CNTNAP2: variants seen among roughly 807,000 people sequenced by gnomAD.
The protein encoded by CNTNAP2 is contactin associated protein 2.
CNTNAP2 carries 98 observed loss-of-function variants against 155.2 expected under a neutral mutation model. That is an observed-to-expected ratio of 0.63 (90% CI 0.54 to 0.75). The LOEUF is 0.75. CNTNAP2 is among the 30% of genes least tolerant of loss of function. The pLI is 0.00. For synonymous variants in CNTNAP2, 651 were observed against 631.2 expected (o/e 1.03, Z -0.47); for missense variants, 1,727 against 1,688.1 (o/e 1.02, Z -0.40).
At chr7:148,394,523 T>C (rs1799423379) in intron 22 of CNTNAP2, among the ~76,000 whole-genome samples, 1 of 152,224 alleles carries the variant, frequency 6.6e-6, no homozygotes, top group Non-Finnish European at 1.5e-5. Context: ...GATTTGAGAA[T>C]TTTAATCATT....
chr7:148,326,111 C>T (rs1797881749), intron 21 of CNTNAP2, among the ~76,000 whole-genome samples: 1 of 151,168 alleles, frequency 6.6e-6, no homozygotes. Context: ...CCAAGAGAGC[C>T]TGTTTCAATG....
intron 13 of CNTNAP2, among the ~76,000 whole-genome samples, chr7:147,648,843 C>T (rs1795407795): frequency 6.6e-6 from 1 of 152,106 alleles, no homozygotes; most frequent in Admixed American, 6.5e-5. Flanking sequence ...AACTGAGTTT[C>T]AAATGTATAT....
chr7:147,665,261 T>G (rs1179295953), intron 13 of CNTNAP2, among the ~76,000 whole-genome samples: 1 of 152,238 alleles, frequency 6.6e-6, no homozygotes, highest in Non-Finnish European at 1.5e-5. Context: ...CTGTTTTGCT[T>G]AATATTAAAT....
At chr7:148,249,389 C>G (rs1478449845) in intron 20 of CNTNAP2, among the ~76,000 whole-genome samples, 1 of 152,184 alleles carries the variant, frequency 6.6e-6, no homozygotes, top group African/African-American at 2.4e-5. Flanking sequence ...CACTGTTTCT[C>G]TCCTTCCTGA....
chr7:147,515,094 C>G (rs1799095512), intron 11 of CNTNAP2, among the ~76,000 whole-genome samples: 1 of 152,080 alleles, frequency 6.6e-6, no homozygotes, highest in East Asian at 1.9e-4. Context: ...GGATGTGTTG[C>G]TGTCCCATGA....
chr7:146,773,528 T>TGGGATCACA lies in CNTNAP2; in HGVS notation c.98-740_98-732dup, dbSNP rs1802334104. ...CTCCTGCCTCAGCCTCCCGAATACC[T>TGGGATCACA]GGGATCACAGGCATGCACCACCATG... On this transcript the variant is annotated intron_variant, in intron 1 of 23. Transcript: ENST00000361727. 2.0e-5 allele frequency among the ~76,000 whole-genome samples: 3 copies of TGGGATCACA among 152,302 alleles called. No individual in the cohort carries two copies. The South Asian group carries it at 6.2e-4, about 32-fold the overall frequency.
intron 12 of CNTNAP2, among the ~76,000 whole-genome samples, chr7:147,568,019 G>C (rs940889605): frequency 2.0e-5 from 3 of 152,208 alleles, no homozygotes; most frequent in African/African-American, 7.2e-5. Flanking sequence ...CCGGGGGGCA[G>C]AGGTTCCAGT....
intron 10 of CNTNAP2, among the ~76,000 whole-genome samples, chr7:147,434,526 A>G (rs1215779749): frequency 1.3e-5 from 2 of 152,226 alleles, no homozygotes; most frequent in African/African-American, 4.8e-5. Context: ...AATCAAGAAT[A>G]ATATTTAAAG....
chr7:148,047,375 T>G (rs1802792946), intron 15 of CNTNAP2, among the ~76,000 whole-genome samples: 1 of 152,194 alleles, frequency 6.6e-6, no homozygotes, highest in South Asian at 2.1e-4. Context: ...TTTTGATTCA[T>G]TAACACTGAA....
chr7:147,203,223 G>T (rs913158594), intron 8 of CNTNAP2, among the ~76,000 whole-genome samples: 2 of 152,054 alleles, frequency 1.3e-5, no homozygotes, highest in South Asian at 2.1e-4. Context: ...ACTGAGGGGG[G>T]AACACTTATT....
At chr7:147,137,496 G>A (rs1801509081) in intron 8 of CNTNAP2, among the ~76,000 whole-genome samples, 1 of 151,608 alleles carries the variant, frequency 6.6e-6, no homozygotes, top group African/African-American at 2.4e-5. Context: ...AAAACAATAT[G>A]CTACAAAACA....
chr7:147,626,999 G>C (rs1794991986), intron 12 of CNTNAP2, among the ~76,000 whole-genome samples: 1 of 152,132 alleles, frequency 6.6e-6, no homozygotes, highest in South Asian at 2.1e-4. Context: ...ATAGGACTCT[G>C]TAGACATTCC....
intron 1 of CNTNAP2, among the ~76,000 whole-genome samples, chr7:146,571,223 A>G (rs1286672970): frequency 2.0e-5 from 3 of 152,172 alleles, no homozygotes; most frequent in Non-Finnish European, 4.4e-5. Flanking sequence ...GGCAGACTGT[A>G]TATGAGCTGT....
intron 8 of CNTNAP2, among the ~76,000 whole-genome samples, chr7:147,146,112 G>C (rs746127445): frequency 4.6e-5 from 7 of 152,160 alleles, no homozygotes; most frequent in Non-Finnish European, 1.0e-4. Flanking sequence ...ATTAGGTTCA[G>C]GTGTTATGAA....
intron 1 of CNTNAP2, among the ~76,000 whole-genome samples, chr7:146,439,885 A>C (rs1343206417): frequency 2.0e-5 from 3 of 151,562 alleles, no homozygotes; most frequent in Non-Finnish European, 4.4e-5. Context: ...GCACTTTGGG[A>C]GGCCTACGCC....
intron 3 of CNTNAP2, among the ~76,000 whole-genome samples, chr7:146,884,030 T>C (rs567059703): frequency 1.3e-5 from 2 of 152,222 alleles, no homozygotes; most frequent in East Asian, 3.9e-4. Flanking sequence ...AATAGAAAAG[T>C]TCATCTGATT....
intron 15 of CNTNAP2, among the ~76,000 whole-genome samples, chr7:148,020,180 G>T (rs1368622459): frequency 3.3e-5 from 5 of 152,210 alleles, no homozygotes; most frequent in Non-Finnish European, 5.9e-5. Flanking sequence ...ATCATCAGCA[G>T]TACACTTGGT....
At chr7:146,531,231 A>G (rs1214611333) in intron 1 of CNTNAP2, among the ~76,000 whole-genome samples, 2 of 152,140 alleles carry the variant, frequency 1.3e-5, no homozygotes, top group African/African-American at 4.8e-5. Context: ...GGATGGAGGG[A>G]GGGAGGAGCA....
At chr7:146,983,832 GT>G (rs1798065939) in intron 3 of CNTNAP2, among the ~76,000 whole-genome samples, 1 of 152,190 alleles carries the variant, frequency 6.6e-6, no homozygotes, top group Non-Finnish European at 1.5e-5. Context: ...AATTGACATA[GT>G]GCAGGAACTG....
Sources: gnomAD v4.1 joint callset for allele counts (sites outside exome capture counted in the v4.1 genomes callset) on GRCh38, gnomAD v4.1.1 for gene constraint, MANE v1.5 for transcripts, NCBI Gene and HGNC (gene_info 2026-07-23, HGNC 2026-07-21) for gene names.